Variants in VSNL1 observed in about 807,000 individuals in gnomAD.
The protein encoded by VSNL1 is visinin like 1.
In VSNL1, 6 loss-of-function variants were observed where a neutral mutation model predicts 20.4. The ratio of observed to expected loss-of-function variants is 0.29; its 90% CI spans 0.16 to 0.58. The LOEUF (loss-of-function observed/expected upper bound fraction) is 0.58, where lower values mean the gene tolerates loss of function less well. VSNL1 is among the 20% of genes least tolerant of loss of function. The pLI is 0.90. For missense variants in VSNL1, 100 were observed against 234.5 expected, an observed-to-expected ratio of 0.43 and a Z score of 3.75; for synonymous variants, 93 against 86.4, an observed-to-expected ratio of 1.08 and a Z score of -0.42.
chr2:17,598,386 G>A (rs1664756001), intron 2 of VSNL1, among the ~76,000 whole-genome samples: 1 of 152,200 alleles, frequency 6.6e-6, no homozygotes, highest in Admixed American at 6.5e-5. Flanking sequence ...TGAAAACATT[G>A]GTCTATGTAG....
At chr2:17,652,502 A>G (rs1666142758) in intron 3 of VSNL1, among the ~76,000 whole-genome samples, 1 of 152,194 alleles carries the variant, frequency 6.6e-6, no homozygotes, top group Admixed American at 6.5e-5. Flanking sequence ...TGGTGGCAAA[A>G]TCCTAAATAG....
chr2:17,623,458 A>G lies in VSNL1; in HGVS notation c.163-25952A>G, dbSNP rs369345569. Among the ~76,000 whole-genome samples, 104 of 152,220 alleles carry G rather than the reference A, an allele frequency of 6.8e-4. 3 individuals are homozygous for G. In the South Asian group the frequency reaches 0.02, roughly 30 times the overall value. On this transcript the variant is annotated intron_variant, in intron 2 of 3. Transcript: ENST00000295156. ...ACCAATGTGGGCAGATCACAAGGTC[A>G]GGAGATCGAGACCATCCTGGCTAAC...
chr2:17,644,390 A>C (rs940558500), intron 2 of VSNL1, among the ~76,000 whole-genome samples: 1 of 152,186 alleles, frequency 6.6e-6, no homozygotes, highest in Non-Finnish European at 1.5e-5. Context: ...GTTCCCACAG[A>C]AGGTAGACAA....
intron 2 of VSNL1, among the ~76,000 whole-genome samples, chr2:17,637,497 CA>C (rs1392749265): frequency 1.3e-5 from 2 of 152,196 alleles, no homozygotes; most frequent in Non-Finnish European, 2.9e-5. Context: ...CACAACACCA[CA>C]AAACTGCACA....
chr2:17,611,675 C>A (rs915245275), intron 2 of VSNL1, among the ~76,000 whole-genome samples: 2 of 152,212 alleles, frequency 1.3e-5, no homozygotes, highest in African/African-American at 4.8e-5. Flanking sequence ...GCTCAAGGTG[C>A]GAAAGGAGCC....
chr2:17,562,822 G>A (rs778538586), intron 1 of VSNL1, among the ~76,000 whole-genome samples: 2 of 152,088 alleles, frequency 1.3e-5, no homozygotes, highest in African/African-American at 2.4e-5. Context: ...TTAGCTTTGC[G>A]TTCACTATTG....
At chr2:17,633,316 C>CAACCCAT (rs1402936043) in intron 2 of VSNL1, among the ~76,000 whole-genome samples, 3 of 138,854 alleles carry the variant, frequency 2.2e-5, no homozygotes, top group East Asian at 4.2e-4. Context: ...GAGACACAGC[C>CAACCCAT]AAACCATATC....
intron 1 of VSNL1, among the ~76,000 whole-genome samples, chr2:17,565,835 C>T (rs758972386): frequency 6.6e-6 from 1 of 152,202 alleles, no homozygotes; most frequent in African/African-American, 2.4e-5. Flanking sequence ...ACCAGGTGGA[C>T]TTAATTGAAT....
intron 2 of VSNL1, among the ~76,000 whole-genome samples, chr2:17,605,216 G>A (rs982596181): frequency 6.6e-6 from 1 of 152,200 alleles, no homozygotes; most frequent in Non-Finnish European, 1.5e-5. Context: ...TGAGGAAGCT[G>A]GCACTGCTGT....
intron 2 of VSNL1, among the ~76,000 whole-genome samples, chr2:17,606,223 A>G (rs1485379240): frequency 6.6e-6 from 1 of 152,162 alleles, no homozygotes; most frequent in Non-Finnish European, 1.5e-5. Flanking sequence ...TTCCTTTCCT[A>G]TAGTCTTCAG....
chr2:17,649,626 G>T lies in VSNL1; in HGVS notation c.378+1G>T. The T allele has an allele frequency of 6.2e-7, 1 of 1,614,056 alleles. No individual in the cohort carries two copies. Among genetic ancestry groups the T allele is most frequent in the East Asian group, 2.2e-5 (1 of 44,874 alleles). ...AGTGGAGATGCTGGAGATCATCGAG[G>T]TGAGGCCCGGGGTGTGGTTGGCGGG... On this transcript the variant is annotated splice_donor_variant, in intron 3 of 3. Coordinates refer to ENST00000295156, the MANE Select transcript of VSNL1 (RefSeq NM_003385.5). LOFTEE classifies it high-confidence loss of function. The surrounding 1 kb of genome is among the most constrained non-coding windows in gnomAD (Gnocchi z 6.4).
intron 1 of VSNL1, among the ~76,000 whole-genome samples, chr2:17,576,153 AT>A (rs1234619157): frequency 6.6e-6 from 1 of 152,236 alleles, no homozygotes; most frequent in Non-Finnish European, 1.5e-5. Context: ...AATTGTCTTC[AT>A]TTTTTGCAGT....
chr2:17,563,090 G>A (rs1426404868), intron 1 of VSNL1, among the ~76,000 whole-genome samples: 5 of 152,076 alleles, frequency 3.3e-5, no homozygotes, highest in African/African-American at 4.8e-5. Flanking sequence ...AAAAGGGATA[G>A]GACATATTAA....
At chr2:17,574,344 T>A (rs1413505252) in intron 1 of VSNL1, among the ~76,000 whole-genome samples, 1 of 152,186 alleles carries the variant, frequency 6.6e-6, no homozygotes, top group Non-Finnish European at 1.5e-5. Context: ...GAAACACTCC[T>A]TCCTGACCCA....
At chr2:17,556,935 T>G (rs1438810621) in intron 1 of VSNL1, among the ~76,000 whole-genome samples, 1 of 152,174 alleles carries the variant, frequency 6.6e-6, no homozygotes, top group Non-Finnish European at 1.5e-5. Flanking sequence ...GTCTTTTCAC[T>G]TTTCACAGAT....
chr2:17,573,225 G>T (rs570673288), intron 1 of VSNL1, among the ~76,000 whole-genome samples: 1 of 152,174 alleles, frequency 6.6e-6, no homozygotes, highest in Non-Finnish European at 1.5e-5. Flanking sequence ...AAGTCTGGGA[G>T]CATGAAGTGG....
At chr2:17,583,111 TAC>T (rs1178632093) in intron 1 of VSNL1, among the ~76,000 whole-genome samples, 3 of 151,964 alleles carry the variant, frequency 2.0e-5, no homozygotes, top group Admixed American at 6.6e-5. Context: ...GAGGAAAGAG[TAC>T]CAGCCTAAGA....
intron 2 of VSNL1, among the ~76,000 whole-genome samples, chr2:17,614,109 C>G (rs1292552248): frequency 6.6e-6 from 1 of 152,150 alleles, no homozygotes; most frequent in African/African-American, 2.4e-5. Context: ...AGGAGATGGG[C>G]CCTAGTGGGG....
intron 2 of VSNL1, among the ~76,000 whole-genome samples, chr2:17,629,681 C>T (rs1175884744): frequency 6.6e-6 from 1 of 152,234 alleles, no homozygotes; most frequent in African/African-American, 2.4e-5. Flanking sequence ...CCCAGGCCTG[C>T]TGGAGGCACC....
Sources: gnomAD v4.1 joint callset for allele counts (sites outside exome capture counted in the v4.1 genomes callset) on GRCh38, gnomAD v4.1.1 for gene constraint, Gnocchi (gnomAD v3.1) non-coding constraint, MANE v1.5 for transcripts, NCBI Gene and HGNC (gene_info 2026-07-23, HGNC 2026-07-21) for gene names.